Variants in PODNL1 observed in about 807,000 individuals in gnomAD.
PODNL1 encodes podocan-like protein 1.
A neutral mutation model predicts 45.1 loss-of-function variants in PODNL1; 50 were observed. The observed-to-expected ratio is 1.11, with a 90% confidence interval of 0.88 to 1.40. The LOEUF is 1.40. PODNL1 is among the 40% of genes most tolerant of loss of function. The pLI is 0.00. For missense variants in PODNL1, 788 were observed against 793.3 expected (o/e 0.99, Z 0.08); for synonymous variants, 406 against 372.5 (o/e 1.09, Z -1.04).
intron 2 of PODNL1, 111 bp from the exon 3 acceptor site, chr19:13,936,571 C>G: frequency 1.3e-6 from 1 of 789,572 alleles, no homozygotes; most frequent in South Asian, 1.6e-5. Context: ...CATCATCACC[C>G]CCACAGTTAA....
At chr19:13,947,621 G>T (rs764888682) in intron 1 of PODNL1, among the ~76,000 whole-genome samples, 8 of 152,120 alleles carry the variant, frequency 5.3e-5, no homozygotes, top group Non-Finnish European at 1.0e-4. Flanking sequence ...AGAGTGATGT[G>T]ATATAGAAGG....
chr19:13,934,364 G>T lies in PODNL1; in HGVS notation c.541C>A (p.Pro181Thr), dbSNP rs549534457. ...GCCTCGGAGCCGCGGAAGGCGTCGG[G>T]GGGCAGGCCAGCGTTGCTCAGCTGG... ...NNQLSNAGLPPDAFRGSEAIA... is the reference protein window; with the variant it reads ...NNQLSNAGLPTDAFRGSEAIA... Residue 181 changes from proline (P) to threonine (T), a missense_variant, in exon 6 of 10, where the codon CCC (proline) becomes ACC (threonine). Around this residue, in one of 3 missense-constraint regions of PODNL1, gnomAD observed 762 missense variants for 750.9 expected, o/e 1.01. Coordinates refer to ENST00000588872, the MANE Select transcript of PODNL1 (RefSeq NM_001370095.3). 6.4e-7 allele frequency: 1 copy of T among 1,555,552 alleles called. No individual in the cohort carries two copies.
At chr19:13,949,072 G>A (rs925634703) in intron 1 of PODNL1, among the ~76,000 whole-genome samples, 23 of 151,434 alleles carry the variant, frequency 1.5e-4, no homozygotes, top group African/African-American at 5.6e-4. Context: ...CGATTCTCAT[G>A]CCTCAGCCTC....
chr19:13,939,360 T>G (rs569343375), upstream of PODNL1, among the ~76,000 whole-genome samples: 4 of 152,156 alleles, frequency 2.6e-5, no homozygotes, highest in South Asian at 8.3e-4. Flanking sequence ...TACAGGCGCC[T>G]CCCACCATGC....
Position 13,933,209 on chromosome 19 carries a change from A to G in PODNL1, c.1014T>C (p.Tyr338=), listed in dbSNP as rs1338627519. 6.5e-7 allele frequency: 1 copy of G among 1,537,652 alleles called. No individual in the cohort carries two copies. The highest frequency in any genetic ancestry group is 1.2e-5 in the South Asian group (1 of 84,178). The part of the protein sequence containing the change: ...PLRGLHTLHL[Y]GNGLDRVPPA... ...GAGGCACGCGGTCCAGCCCATTGCC[A>G]TAGAGGTGCAGCGTGTGCAGGCCCC... is the stretch of plus-strand genomic sequence containing the variant. The change falls in exon 8 of 10, where the codon TAT becomes TAC. Residue 338 remains tyrosine (Y), a synonymous_variant. Coordinates refer to ENST00000588872, the MANE Select transcript of PODNL1 (RefSeq NM_001370095.3). This position sits in a 1 kb window ranked among gnomAD's most constrained non-coding sequence, Gnocchi z 5.2.
rs1031536394 is a variant in PODNL1 at position 13,931,655 on chromosome 19, G to T, written c.*82C>A. On this transcript the variant is annotated 3_prime_UTR_variant, in exon 10 of 10. Coordinates refer to ENST00000588872, the MANE Select transcript of PODNL1 (RefSeq NM_001370095.3). The stretch of plus-strand genomic sequence containing the variant: ...GAGGCCCAGGAGAGCCAGACCAAGG[G>T]CCCCTGGTGGGCGTTGTCTCCTCAG... 2.5e-6 allele frequency: 3 copies of T among 1,218,986 alleles called. No individual in the cohort carries two copies. The African/African-American group carries it at 4.7e-5, about 19-fold the overall frequency. The allele number at this position is 1,218,986 out of a possible 1,614,324, so 75.5% of individuals were successfully genotyped here.
intron 8 of PODNL1, 79 bp downstream of exon 8, chr19:13,932,719 G>C (rs749500455): frequency 6.2e-7 from 1 of 1,608,318 alleles, no homozygotes; most frequent in Non-Finnish European, 8.5e-7. Context: ...CAGCTAACTA[G>C]AATGTTTGGG....
chr19:13,938,556 T>G, upstream of PODNL1: 1 of 879,804 alleles, frequency 1.1e-6, no homozygotes, highest in Non-Finnish European at 1.4e-6. Flanking sequence ...ACCGCAGGAG[T>G]AGGGGTGGGG....
Position 13,931,850 on chromosome 19 carries a change from C to T in PODNL1, c.1612G>A (p.Ala538Thr), listed in dbSNP as rs1250173235. 1 of 1,231,956 alleles carries T rather than the reference C, an allele frequency of 8.1e-7. No homozygotes were observed. The highest frequency in any genetic ancestry group is 1.0e-6 in the Non-Finnish European group (1 of 987,920). The allele number at this position is 1,231,956 out of a possible 1,614,324, so 76.3% of individuals were successfully genotyped here. Residue 538 changes from alanine to threonine, a missense_variant, in exon 10 of 10, where the codon GCC becomes ACC. Ala to Thr is a moderately conservative substitution (Grantham distance 58). Transcript: ENST00000588872. ...RLHMTSIAAE[A>T]FLGLPNLRVV... is the part of the protein sequence containing the mutation. ...CGCAGGTTTGGGAGCCCCAGGAAGG[C>T]CTCAGCCGCGATGCTCGTCATGTGA...
At position 13,931,220 on chromosome 19, in the gene PODNL1, G is replaced by A. The variant is rs545551701; in HGVS notation, c.*517C>T. On this transcript the variant is annotated 3_prime_UTR_variant, in exon 10 of 10. Coordinates refer to ENST00000588872, the MANE Select transcript of PODNL1 (RefSeq NM_001370095.3). ...TGCATTTCATTCCCATGCTTGCTGT[G>A]GGGGGGGATACATGTGAGGGTCCCT... 1 of 152,316 alleles carries A rather than the reference G, an allele frequency of 6.6e-6. No individual in the cohort carries two copies. The highest frequency in any genetic ancestry group is 1.5e-5 in the Non-Finnish European group (1 of 68,554). 9.4% of individuals were successfully genotyped at this position (152,316 alleles called of 1,614,324 possible). A position where few individuals can be genotyped will look rare whatever the true frequency, so the allele number is the denominator to read the frequency against.
chr19:13,933,164 C>G lies in PODNL1; in HGVS notation c.1059G>C (p.Leu353=), dbSNP rs1399968313. ...GGTTGTGGGGCAGCACCAGGGCACGCAGGCGGCGGGGCAGGGCTGGAGGCA... is the reference window on the plus strand; with the variant it reads ...GGTTGTGGGGCAGCACCAGGGCACGGAGGCGGCGGGGCAGGGCTGGAGGCA... The part of the protein sequence containing the change: ...DRVPPALPRR[L]RALVLPHNHV... The change falls in exon 8 of 10, where the codon CTG becomes CTC. Residue 353 remains leucine (L), a synonymous_variant. Coordinates refer to ENST00000588872, the MANE Select transcript of PODNL1 (RefSeq NM_001370095.3). This position sits in a 1 kb window ranked among gnomAD's most constrained non-coding sequence, Gnocchi z 5.2. 2.6e-6 allele frequency: 4 copies of G among 1,531,740 alleles called. No homozygotes were observed. The highest frequency in any genetic ancestry group is 3.5e-6 in the Non-Finnish European group (4 of 1,144,216). 94.9% of individuals were successfully genotyped at this position (1,531,740 alleles called of 1,614,324 possible).
At chr19:13,934,094 G>T in intron 6 of PODNL1, 101 bp from the exon 7 acceptor site, 1 of 1,388,632 alleles carries the variant, frequency 7.2e-7, no homozygotes, top group Non-Finnish European at 9.9e-7. Flanking sequence ...CTTGCCTTGA[G>T]CTCAAAGCGA....
At chr19:13,934,498 AGTGTGTGTGTGTGTGTGTGTGT>A (rs767618376) in intron 5 of PODNL1, 88 bp from the exon 6 acceptor site, 23 of 980,264 alleles carry the variant, frequency 2.3e-5, no homozygotes, top group Admixed American at 1.1e-4. Context: ...GGTCGCCTTC[AGTGTGTGTGTGTGTGTGTGTGT>A]GTGTGTGCGC....
intron 1 of PODNL1, chr19:13,952,891 C>T (rs1030333414): frequency 3.5e-5 from 7 of 199,224 alleles, no homozygotes; most frequent in South Asian, 4.8e-5. Context: ...GGGTTGGGGG[C>T]GGGGCCCCAG....
Position 13,933,360 on chromosome 19 carries a change from C to G in PODNL1, c.863G>C (p.Gly288Ala). The G allele has an allele frequency of 6.2e-7, 1 of 1,607,838 alleles. No homozygotes were observed. Among genetic ancestry groups the G allele is most frequent in the African/African-American group, 1.3e-5 (1 of 75,020 alleles). The change falls in exon 8 of 10, where the codon GGC becomes GCC. Residue 288 changes from glycine (G) to alanine (A), a missense_variant. Around this residue, in one of 3 missense-constraint regions of PODNL1, gnomAD observed 762 missense variants for 750.9 expected, o/e 1.01. Transcript: ENST00000588872. The surrounding 1 kb of genome is among the most constrained non-coding windows in gnomAD (Gnocchi z 5.2). The part of the protein sequence containing the change: ...LPRTLAILHL[G>A]RNRIRQVEAA... ...CTCCACCTGCCGGATGCGGTTGCGGCCCAGGTGCAGGATAGCCAGGGTCCG... is the reference window on the plus strand; with the variant it reads ...CTCCACCTGCCGGATGCGGTTGCGGGCCAGGTGCAGGATAGCCAGGGTCCG...
intron 1 of PODNL1, among the ~76,000 whole-genome samples, chr19:13,948,754 A>G (rs1364743048): frequency 1.6e-5 from 2 of 126,952 alleles, no homozygotes; most frequent in African/African-American, 6.1e-5. Flanking sequence ...CCTGGCTAAC[A>G]TGGTGAAACC....
intron 1 of PODNL1, among the ~76,000 whole-genome samples, chr19:13,950,870 C>T (rs1198234346): frequency 6.6e-6 from 1 of 151,776 alleles, no homozygotes. Flanking sequence ...CATAGTGAAA[C>T]CCTGTCTCTA....
At chr19:13,940,610 C>T (rs1430597109), upstream of PODNL1, among the ~76,000 whole-genome samples, 9 of 146,896 alleles carry the variant, frequency 6.1e-5, no homozygotes, top group Non-Finnish European at 1.2e-4. Flanking sequence ...GGGCCAGGCG[C>T]GGTAGCTCAC....
intron 1 of PODNL1, chr19:13,949,673 A>G (rs1972936146): frequency 6.6e-6 from 1 of 151,560 alleles, no homozygotes; most frequent in Non-Finnish European, 1.5e-5. Flanking sequence ...CCTTCACTCA[A>G]TTTCCTCTAA....
Sources: allele counts gnomAD v4.1 joint callset (sites outside exome capture counted in the v4.1 genomes callset), GRCh38; gene constraint gnomAD v4.1.1; regional missense constraint gnomAD v4.1.1; non-coding constraint Gnocchi (gnomAD v3.1); transcripts MANE v1.5; gene names NCBI Gene and HGNC (gene_info 2026-07-23, HGNC 2026-07-21).